ZFHX3: variants seen among roughly 807,000 people sequenced by gnomAD.
ZFHX3 encodes the protein zinc finger homeobox 3, also known as zinc finger homeobox protein 3.
A neutral mutation model predicts 279.1 loss-of-function variants in ZFHX3; 42 were observed. The observed-to-expected ratio is 0.15, with a 90% CI of 0.12 to 0.19. The LOEUF is 0.19. Among genes scored for constraint, ZFHX3 ranks in the 10% least tolerant of loss-of-function variants. ZFHX3 has a pLI of 1.00. For synonymous variants in ZFHX3, 2,293 were observed against 1,957.8 expected (o/e 1.17, Z -4.52); for missense variants, 4,981 against 4,754.0 (o/e 1.05, Z -1.40).
chr16:72,920,910 AAAAAT>A (rs1457817311), intron 3 of ZFHX3, among the ~76,000 whole-genome samples: 2 of 151,860 alleles, frequency 1.3e-5, no homozygotes, highest in African/African-American at 4.8e-5. Context: ...CATATCTACA[AAAAAT>A]AAAATAATTA....
chr16:73,104,123 A>T, intron 7 of ZFHX3, among the ~76,000 whole-genome samples: 1 of 152,220 alleles, frequency 6.6e-6, no homozygotes, highest in East Asian at 1.9e-4. Flanking sequence ...GGAGGTCTCC[A>T]GATGGACAGG....
intron 3 of ZFHX3, among the ~76,000 whole-genome samples, chr16:73,349,313 G>T (rs1004016019): frequency 6.6e-6 from 1 of 152,120 alleles, no homozygotes; most frequent in Non-Finnish European, 1.5e-5. Context: ...CTGCAACCCT[G>T]ACACCTAGTT....
rs111343000 is a variant in ZFHX3, at chr16:73,796,020, C to T, written c.-1608+95631G>A. On this transcript the variant is annotated intron_variant, in intron 1 of 17. Coordinates refer to the ZFHX3 transcript ENST00000641206. The stretch of plus-strand genomic sequence containing the variant: ...AGATGGGTTTAACAAACGGCCATTG[C>T]GTGAATCACAGCAAATTGGGGAACA... 6.3e-3 allele frequency among the ~76,000 whole-genome samples: 963 copies of T among 152,240 alleles called. 10 individuals carry two copies. The highest frequency in any genetic ancestry group is 0.022 in the African/African-American group (926 of 41,518).
intron 4 of ZFHX3, among the ~76,000 whole-genome samples, chr16:73,272,407 A>T (rs1028305908): frequency 6.6e-6 from 1 of 152,212 alleles, no homozygotes; most frequent in Non-Finnish European, 1.5e-5. Context: ...CTCAATCTGT[A>T]TTGGTTAAGT....
Position 73,753,567 on chromosome 16 carries a change from G to A in ZFHX3, c.-1607-73327C>T, listed in dbSNP as rs530437402. On this transcript the variant is annotated intron_variant, in intron 1 of 17. Transcript: ENST00000641206. ...TACAGTTGCCAACAGCCCATAAGGT[G>A]CTGGCTCTGGGAACACTGCCTGTGT... Among the ~76,000 whole-genome samples the A allele has an allele frequency of 4.6e-5, 7 of 152,296 alleles. No individual in the cohort carries two copies. In the South Asian group the frequency reaches 1.5e-3, roughly 32 times the overall value.
At chr16:73,874,269 T>C (rs1343936482) in intron 1 of ZFHX3, among the ~76,000 whole-genome samples, 3 of 152,174 alleles carry the variant, frequency 2.0e-5, no homozygotes, top group Non-Finnish European at 2.9e-5. Flanking sequence ...TTTATTGCAC[T>C]GTGAAATTAG....
At chr16:72,937,424 G>A (rs573706844) in intron 3 of ZFHX3, among the ~76,000 whole-genome samples, 5 of 152,330 alleles carry the variant, frequency 3.3e-5, no homozygotes, top group Admixed American at 6.5e-5. Context: ...GGACACAGCC[G>A]ACAGAGTCAG....
In ZFHX3 at chr16:72,959,690, C is replaced by T. The variant is rs1257071825; in HGVS notation, c.456G>A (p.Gln152=). 1 of 1,613,916 alleles carries T rather than the reference C, an allele frequency of 6.2e-7. No individual in the cohort carries two copies. Among genetic ancestry groups the T allele is most frequent in the East Asian group, 2.2e-5 (1 of 44,880 alleles). Residue 152 remains glutamine (Q), a synonymous_variant, in exon 2 of 10, where the codon CAG becomes CAA. Coordinates refer to ENST00000268489, the MANE Select transcript of ZFHX3 (RefSeq NM_006885.4). ...TGCCACTCCCACAGGCGCCCCCGCC[C>T]TGGGTCAGCTGGCTCAGGCTCTCCA... is the stretch of plus-strand genomic sequence containing the variant. ...YIVESLSQLT[Q]GGGACGSGSG...
chr16:73,050,966 TTACAATGATTC>T (rs1443441050), upstream of ZFHX3, among the ~76,000 whole-genome samples: 1 of 152,200 alleles, frequency 6.6e-6, no homozygotes, highest in Non-Finnish European at 1.5e-5. Context: ...GGCTGGTAAA[TTACAATGATTC>T]TACCGAGCCA....
chr16:73,091,836 C>T (rs759066154), intron 8 of ZFHX3, among the ~76,000 whole-genome samples: 6 of 152,174 alleles, frequency 3.9e-5, no homozygotes, highest in African/African-American at 7.2e-5. Context: ...TATTTCGAGA[C>T]GCTAGAATGT....
chr16:72,901,533 AAG>A (rs772086653), intron 3 of ZFHX3, among the ~76,000 whole-genome samples: 2 of 152,182 alleles, frequency 1.3e-5, no homozygotes, highest in Non-Finnish European at 2.9e-5. Context: ...CTTCTCTTAA[AAG>A]AGAGAATGAG....
intron 4 of ZFHX3, among the ~76,000 whole-genome samples, chr16:73,296,877 A>ATGT (rs755308796): frequency 1.7e-5 from 2 of 116,068 alleles, no homozygotes; most frequent in African/African-American, 7.0e-5. Flanking sequence ...TGAAGCAGGA[A>ATGT]TTTTTTTTTT....
chr16:73,548,096 T>C (rs1396452508), intron 2 of ZFHX3, among the ~76,000 whole-genome samples: 1 of 152,228 alleles, frequency 6.6e-6, no homozygotes, highest in Non-Finnish European at 1.5e-5. Context: ...TCTGTTTAGC[T>C]CCATCCCTCC....
intron 5 of ZFHX3, among the ~76,000 whole-genome samples, chr16:72,826,747 A>G (rs1398182302): frequency 6.6e-6 from 1 of 152,212 alleles, no homozygotes; most frequent in Non-Finnish European, 1.5e-5. Context: ...TATTCATTCA[A>G]TCACTCATTC....
intron 2 of ZFHX3, among the ~76,000 whole-genome samples, chr16:73,561,193 G>C (rs1461335732): frequency 2.0e-5 from 3 of 152,206 alleles, no homozygotes; most frequent in Admixed American, 6.5e-5. Flanking sequence ...ATGATTTTCA[G>C]AGACAGGAGA....
exon 1 of ZFHX3, chr16:73,058,547 GGCGGCGGCTGCA>G (rs1290717554): frequency 2.8e-5 from 5 of 179,308 alleles, no homozygotes; most frequent in Non-Finnish European, 3.4e-5. Context: ...CTTCTCCGGC[GGCGGCGGCTGCA>G]GCGGCGCTGC....
chr16:73,784,796 A>AAAAAAAATAT (rs56734827), intron 1 of ZFHX3, among the ~76,000 whole-genome samples: 1 of 131,082 alleles, frequency 7.6e-6, no homozygotes, highest in East Asian at 2.2e-4. Flanking sequence ...TAAAAAAAAA[A>AAAAAAAATAT]ATATATATAT....
chr16:72,953,144 G>A (rs1300660736), intron 2 of ZFHX3, among the ~76,000 whole-genome samples: 1 of 152,130 alleles, frequency 6.6e-6, no homozygotes, highest in African/African-American at 2.4e-5. Flanking sequence ...GAAGCTCACG[G>A]ACAGTCTAGC....
intron 8 of ZFHX3, among the ~76,000 whole-genome samples, chr16:73,068,919 C>A (rs982233499): frequency 6.6e-6 from 1 of 152,202 alleles, no homozygotes; most frequent in Non-Finnish European, 1.5e-5. Context: ...GGTTTGGCCA[C>A]CTGATGGTCG....
Sources: gnomAD v4.1 joint callset for allele counts (sites outside exome capture counted in the v4.1 genomes callset) on GRCh38, gnomAD v4.1.1 for gene constraint, MANE v1.5 for transcripts, NCBI Gene and HGNC (gene_info 2026-07-23, HGNC 2026-07-21) for gene names.